Variants in MMP1 observed in about 807,000 individuals in gnomAD.
MMP1 encodes matrix metallopeptidase 1, also known as interstitial collagenase.
A neutral mutation model predicts 49.6 loss-of-function variants in MMP1; 51 were observed. That is an observed-to-expected ratio of 1.03 (90% CI 0.82 to 1.30). MMP1 has a LOEUF of 1.30. Among genes scored for constraint, MMP1 ranks in the 50% most tolerant of loss-of-function variants. MMP1 has a pLI of 0.00. For missense variants in MMP1, 623 were observed against 568.7 expected (o/e 1.10, Z -0.97); for synonymous variants, 230 against 196.8 (o/e 1.17, Z -1.41).
intron 3 of MMP1, 41 bp from the exon 4 acceptor site, chr11:102,796,830 T>C (rs1233829978): frequency 1.2e-6 from 2 of 1,603,932 alleles, no homozygotes; most frequent in Admixed American, 1.7e-5. Context: ...GTGGTTCTTA[T>C]GTAAGCTAAG....
At position 102,797,045 on chromosome 11, in the gene MMP1, T is replaced by G. The variant is rs1346888650; in HGVS notation, c.468A>C (p.Gln156His). Reference protein sequence around the residue: ...PLTFTKVSEGQADIMISFVRG... With the variant: ...PLTFTKVSEGHADIMISFVRG... ...TGACAAAAGATATCATGATGTCTGC[T>G]TGACCCTCAGAGACCTTGGTGAATG... is the stretch of plus-strand genomic sequence containing the variant. The change falls in exon 3 of 10, where the codon CAA (glutamine) becomes CAC (histidine). Residue 156 changes from glutamine to histidine, a missense_variant. By Grantham distance (24) the Gln-to-His change is conservative. Transcript: ENST00000315274. 1.9e-6 allele frequency: 3 copies of G among 1,614,156 alleles called. No homozygotes were observed. In the South Asian group the frequency reaches 3.3e-5, roughly 18 times the overall value.
At chr11:102,793,995 A>G (rs1858106814) in intron 6 of MMP1, among the ~76,000 whole-genome samples, 1 of 152,176 alleles carries the variant, frequency 6.6e-6, no homozygotes, top group African/African-American at 2.4e-5. Context: ...CGACATGGCG[A>G]CATTTAAATG....
chr11:102,797,704 C>T (rs1393610031), intron 1 of MMP1, among the ~76,000 whole-genome samples: 2 of 152,110 alleles, frequency 1.3e-5, no homozygotes, highest in South Asian at 2.1e-4. Flanking sequence ...GAAGTAAGAA[C>T]TTCATAGTAG....
chr11:102,790,789 C>A lies in MMP1; in HGVS notation c.1214G>T (p.Arg405Leu), dbSNP rs17879165. Residue 405 changes from arginine (R) to leucine (L), a missense_variant, in exon 9 of 10, where the codon CGA (arginine) becomes CTA (leucine). By Grantham distance (102) the Arg-to-Leu change is moderately radical (BLOSUM62 -2). Transcript: ENST00000315274. ...TTTGGGATAACCTGGATCCATAGATCGTTTATATTCATCATACCTGGTCAG... is the reference window on the plus strand; with the variant it reads ...TTTGGGATAACCTGGATCCATAGATAGTTTATATTCATCATACCTGGTCAG... The part of the protein sequence containing the change: ...NKYWRYDEYK[R>L]SMDPGYPKMI... The A allele has an allele frequency of 1.2e-6, 2 of 1,608,240 alleles. No individual in the cohort carries two copies. The highest frequency in any genetic ancestry group is 1.7e-6 in the Non-Finnish European group (2 of 1,174,934).
chr11:102,796,892 TG>T, intron 3 of MMP1, 103 bp from the exon 4 acceptor site: 1 of 1,534,186 alleles, frequency 6.5e-7, no homozygotes, highest in Non-Finnish European at 8.8e-7. Flanking sequence ...TTCCATCAAC[TG>T]TGATGCAGTT....
rs186352273 is a variant in MMP1 at position 102,793,765 on chromosome 11, T to G, written c.900-1027A>C. 9.2e-5 allele frequency among the ~76,000 whole-genome samples: 14 copies of G among 152,310 alleles called. No homozygotes were observed. The East Asian group carries it at 2.7e-3, about 29-fold the overall frequency. On this transcript the variant is annotated intron_variant, in intron 6 of 9. Transcript: ENST00000315274. The stretch of plus-strand genomic sequence containing the variant: ...TTGTTGTCCCTTGGTTAGTAGTATT[T>G]ACACAAAGTGGATTATAGAGCTTAA...
chr11:102,796,281 G>T (rs1176695740), intron 4 of MMP1, among the ~76,000 whole-genome samples: 3 of 152,294 alleles, frequency 2.0e-5, no homozygotes, highest in African/African-American at 7.2e-5. Flanking sequence ...TTACAAAACT[G>T]ATAAATGTTG....
rs541042909 is a variant in MMP1 at position 102,796,156 on chromosome 11, G to A, written c.625+508C>T. 1.1e-4 allele frequency among the ~76,000 whole-genome samples: 16 copies of A among 152,192 alleles called. No homozygotes were observed. The South Asian group carries it at 1.5e-3, about 14-fold the overall frequency. On this transcript the variant is annotated intron_variant, in intron 4 of 9. Transcript: ENST00000315274. ...AGAAGAGACAGGGTTTCACCATATT[G>A]GTCAGGCTGGTGTCAAACTCCTGAC... is the stretch of plus-strand genomic sequence containing the variant.
Position 102,795,234 on chromosome 11 carries a change from CTGTCACACGCT to C in MMP1, c.828_838del (p.Ala277Ter). On this transcript the variant is annotated frameshift_variant, in exon 6 of 10. Transcript: ENST00000315274. LOFTEE classifies it high-confidence loss of function. ...AGTTATAGCATCAAAGGTTAGCTTACTGTCACACGCTTTTGGGGTTTGTGGGCCGATGGGCT... is the reference window on the plus strand; with the variant it reads ...AGTTATAGCATCAAAGGTTAGCTTACTTTGGGGTTTGTGGGCCGATGGGCT... 6.2e-7 allele frequency: 1 copy of C among 1,614,148 alleles called. No homozygotes were observed. Among genetic ancestry groups the C allele is most frequent in the South Asian group, 1.1e-5 (1 of 91,090 alleles).
Position 102,794,185 on chromosome 11 carries a change from C to T in MMP1, c.899+989G>A, listed in dbSNP as rs1591079836. On this transcript the variant is annotated intron_variant, in intron 6 of 9. Transcript: ENST00000315274. The surrounding 1 kb of genome is among the most constrained non-coding windows in gnomAD (Gnocchi z 4.3). Reference sequence around the variant, plus strand: ...AGTTTACCTCCAGCCTTATCTTTTACACTTAAAAAGTAAAGAGAGGGCAGA... The same window carrying T: ...AGTTTACCTCCAGCCTTATCTTTTATACTTAAAAAGTAAAGAGAGGGCAGA... Among the ~76,000 whole-genome samples, 1 of 152,168 alleles carries T rather than the reference C, an allele frequency of 6.6e-6. No homozygotes were observed. The highest frequency in any genetic ancestry group is 1.5e-5 in the Non-Finnish European group (1 of 68,022).
chr11:102,795,694 G>C (rs1858168842), intron 4 of MMP1, 87 bp from the exon 5 acceptor site: 1 of 1,119,480 alleles, frequency 8.9e-7, no homozygotes, highest in African/African-American at 1.6e-5. Context: ...ACAACTACAA[G>C]GACTCATGTT....
intron 7 of MMP1, among the ~76,000 whole-genome samples, chr11:102,791,809 T>C (rs754835790): frequency 6.6e-6 from 1 of 152,230 alleles, no homozygotes; most frequent in Non-Finnish European, 1.5e-5. Flanking sequence ...ACCTTGGTGA[T>C]ATAAACTTCG....
chr11:102,796,557 G>T, intron 4 of MMP1, 107 bp downstream of exon 4: 1 of 1,326,452 alleles, frequency 7.5e-7, no homozygotes, highest in South Asian at 1.8e-5. Context: ...AGTGGTAATA[G>T]AAAAATATAT....
Position 102,792,169 on chromosome 11 carries a change from G to C in MMP1, c.1033+436C>G, listed in dbSNP as rs1232872848. On this transcript the variant is annotated intron_variant, in intron 7 of 9. Coordinates refer to ENST00000315274, the MANE Select transcript of MMP1 (RefSeq NM_002421.4). The stretch of plus-strand genomic sequence containing the variant: ...CTAAAAATCCTGTTTCAAAGCGTTT[G>C]GCCCATCTGACCTGCATTTAATTCT... Among the ~76,000 whole-genome samples the C allele has an allele frequency of 2.0e-5, 3 of 152,144 alleles. No homozygotes were observed. The East Asian group carries it at 5.8e-4, about 29-fold the overall frequency.
At chr11:102,795,674 T>C (rs1858168406) in intron 4 of MMP1, 67 bp from the exon 5 acceptor site, 1 of 1,324,256 alleles carries the variant, frequency 7.6e-7, no homozygotes, top group Non-Finnish European at 1.0e-6. Flanking sequence ...ATTTAACTAA[T>C]AAATAATTTA....
At chr11:102,796,425 C>T (rs1591082001) in intron 4 of MMP1, among the ~76,000 whole-genome samples, 1 of 152,170 alleles carries the variant, frequency 6.6e-6, no homozygotes, top group East Asian at 1.9e-4. Flanking sequence ...ATTAAAACAT[C>T]AAAGTTTTCA....
At chr11:102,796,919 A>G (rs1858209089) in intron 3 of MMP1, 95 bp downstream of exon 3, 4 of 1,539,036 alleles carry the variant, frequency 2.6e-6, no homozygotes, top group Admixed American at 1.9e-5. Flanking sequence ...CTTCGAGCCC[A>G]TAAAATCAAC....
In MMP1 at chr11:102,796,714, C is replaced by G; in HGVS notation, c.575G>C (p.Gly192Ala). 1 of 1,613,976 alleles carries G rather than the reference C, an allele frequency of 6.2e-7. No individual in the cohort carries two copies. Among genetic ancestry groups the G allele is most frequent in the African/African-American group, 1.3e-5 (1 of 75,040 alleles). ...AHAFQPGPGIGGDAHFDEDER... is the reference protein window; with the variant it reads ...AHAFQPGPGIAGDAHFDEDER... ...ATCTTCATCAAAATGAGCATCCCCT[C>G]CAATACCTGGGCCTGGTTGAAAAGC... The change falls in exon 4 of 10, where the codon GGA becomes GCA. Residue 192 changes from glycine to alanine, a missense_variant. Coordinates refer to ENST00000315274, the MANE Select transcript of MMP1 (RefSeq NM_002421.4).
At chr11:102,797,943 C>A in intron 1 of MMP1, 45 bp downstream of exon 1, 1 of 1,420,546 alleles carries the variant, frequency 7.0e-7, no homozygotes. Flanking sequence ...CAGAAAAATA[C>A]AAACTAAAAA....
Sources: gnomAD v4.1 joint callset for allele counts (sites outside exome capture counted in the v4.1 genomes callset) on GRCh38, gnomAD v4.1.1 for gene constraint, Gnocchi (gnomAD v3.1) non-coding constraint, MANE v1.5 for transcripts, NCBI Gene and HGNC (gene_info 2026-07-23, HGNC 2026-07-21) for gene names.